Variants in CDC123 observed in about 807,000 individuals in gnomAD.
The protein encoded by CDC123 is cell division cycle 123, also known as translation initiation factor eIF2 assembly protein.
CDC123 carries 37 observed loss-of-function variants against 54.4 expected under a neutral mutation model. That is an observed-to-expected ratio of 0.68 (90% CI 0.52 to 0.89). The LOEUF (loss-of-function observed/expected upper bound fraction) is 0.89, where lower values mean the gene tolerates loss of function less well. Among genes scored for constraint, CDC123 ranks in the 40% least tolerant of loss-of-function variants. The pLI is 0.00. For missense variants in CDC123, 361 were observed against 412.1 expected, an observed-to-expected ratio of 0.88 and a Z score of 1.07; for synonymous variants, 144 against 136.8, an observed-to-expected ratio of 1.05 and a Z score of -0.37.
intron 1 of CDC123, among the ~76,000 whole-genome samples, chr10:12,198,177 A>G (rs1305949911): frequency 6.6e-6 from 1 of 152,246 alleles, no homozygotes; most frequent in Non-Finnish European, 1.5e-5. Context: ...AAGCAGCTTT[A>G]TATCTCTGGT....
At chr10:12,231,427 A>T (rs1835900815) in intron 7 of CDC123, among the ~76,000 whole-genome samples, 1 of 152,152 alleles carries the variant, frequency 6.6e-6, no homozygotes, top group South Asian at 2.1e-4. Flanking sequence ...GTGCGAGACC[A>T]GCCTGGCCAT....
At chr10:12,212,069 CAGAG>C (rs1255408285) in intron 4 of CDC123, among the ~76,000 whole-genome samples, 1 of 152,156 alleles carries the variant, frequency 6.6e-6, no homozygotes, top group African/African-American at 2.4e-5. Flanking sequence ...GCCTGGGTGA[CAGAG>C]AGAGACTCCG....
intron 4 of CDC123, 67 bp from the exon 5 acceptor site, chr10:12,215,673 T>C: frequency 8.3e-6 from 7 of 846,564 alleles, no homozygotes; most frequent in Non-Finnish European, 1.2e-5. Flanking sequence ...CCTTGAGATT[T>C]TGATCTTGTT....
At chr10:12,250,197 C>T in intron 12 of CDC123, 114 bp from the exon 13 acceptor site, 1 of 609,808 alleles carries the variant, frequency 1.6e-6, no homozygotes, top group East Asian at 3.0e-5. Flanking sequence ...GCATGGTTTT[C>T]CATGACAATT....
chr10:12,210,123 A>G (rs1480584873), intron 3 of CDC123, 99 bp downstream of exon 3: 2 of 1,473,150 alleles, frequency 1.4e-6, no homozygotes, highest in Non-Finnish European at 1.9e-6. Flanking sequence ...ATCTGATAAA[A>G]TGAGAAATTA....
At chr10:12,213,600 C>G (rs1212355729) in intron 4 of CDC123, among the ~76,000 whole-genome samples, 1 of 151,502 alleles carries the variant, frequency 6.6e-6, no homozygotes, top group African/African-American at 2.4e-5. Flanking sequence ...TACTAGGACA[C>G]TTGGCAAATT....
At chr10:12,196,826 C>T (rs1318622362) in intron 1 of CDC123, among the ~76,000 whole-genome samples, 1 of 152,170 alleles carries the variant, frequency 6.6e-6, no homozygotes, top group African/African-American at 2.4e-5. Context: ...ACAAAAATAA[C>T]TATGTTAGGC....
At chr10:12,211,436 T>C (rs916999617) in intron 4 of CDC123, among the ~76,000 whole-genome samples, 3 of 152,128 alleles carry the variant, frequency 2.0e-5, no homozygotes, top group Non-Finnish European at 4.4e-5. Context: ...AACTGACATA[T>C]TTCTTTAGAT....
At chr10:12,197,208 T>A (rs970695527) in intron 1 of CDC123, among the ~76,000 whole-genome samples, 2 of 152,196 alleles carry the variant, frequency 1.3e-5, no homozygotes, top group Non-Finnish European at 2.9e-5. Context: ...GAAGGCTTAT[T>A]TGTAATCAGC....
intron 10 of CDC123, among the ~76,000 whole-genome samples, chr10:12,242,021 C>G (rs1836065015): frequency 1.3e-5 from 2 of 152,198 alleles, no homozygotes; most frequent in Non-Finnish European, 2.9e-5. Flanking sequence ...CTCAATTACA[C>G]TTTTAAACGG....
chr10:12,214,232 A>ATTCT (rs1450642576), intron 4 of CDC123, among the ~76,000 whole-genome samples: 1 of 152,216 alleles, frequency 6.6e-6, no homozygotes, highest in Non-Finnish European at 1.5e-5. Flanking sequence ...TGAAAGTTGA[A>ATTCT]TTCTTTCCCG....
intron 8 of CDC123, 44 bp from the exon 9 acceptor site, chr10:12,237,100 A>C: frequency 6.8e-7 from 1 of 1,475,000 alleles, no homozygotes; most frequent in South Asian, 1.5e-5. Flanking sequence ...TGTTTTTGAA[A>C]AGAATATTGT....
intron 11 of CDC123, 135 bp from the exon 12 acceptor site, chr10:12,249,446 G>A (rs1836207801): frequency 2.2e-6 from 2 of 901,250 alleles, no homozygotes; most frequent in Admixed American, 5.6e-5. Flanking sequence ...TTTAACTTAA[G>A]CATCTTCCTT....
chr10:12,240,835 T>C (rs551122125), intron 10 of CDC123, among the ~76,000 whole-genome samples: 1 of 152,308 alleles, frequency 6.6e-6, no homozygotes, highest in African/African-American at 2.4e-5. Context: ...ATACATGTCA[T>C]GCCTAGCAGT....
intron 7 of CDC123, among the ~76,000 whole-genome samples, chr10:12,232,251 T>A (rs942044990): frequency 6.6e-6 from 1 of 152,170 alleles, no homozygotes; most frequent in African/African-American, 2.4e-5. Flanking sequence ...TCATAGTTTG[T>A]TGCAAAGAGG....
chr10:12,211,186 G>A (rs1554806199), intron 4 of CDC123, among the ~76,000 whole-genome samples: 1 of 152,172 alleles, frequency 6.6e-6, no homozygotes, highest in Non-Finnish European at 1.5e-5. Flanking sequence ...TTTTAAAGGA[G>A]TGAGTGAAGC....
At chr10:12,210,070 A>T (rs780942017) in intron 3 of CDC123, 46 bp downstream of exon 3, 1 of 1,587,242 alleles carries the variant, frequency 6.3e-7, no homozygotes, top group Non-Finnish European at 8.7e-7. Context: ...GTTGTAATTT[A>T]AATGATCTCT....
At chr10:12,212,978 A>T (rs932168600) in intron 4 of CDC123, among the ~76,000 whole-genome samples, 8 of 152,332 alleles carry the variant, frequency 5.3e-5, no homozygotes, top group Admixed American at 6.5e-5. Flanking sequence ...CCATAGTGAC[A>T]TACATAAGTG....
intron 2 of CDC123, among the ~76,000 whole-genome samples, chr10:12,207,899 A>G (rs1355271925): frequency 6.6e-6 from 1 of 152,200 alleles, no homozygotes; most frequent in Non-Finnish European, 1.5e-5. Flanking sequence ...AGTTGCTAGG[A>G]TGTGCAAGGT....
Sources: allele counts gnomAD v4.1 joint callset (sites outside exome capture counted in the v4.1 genomes callset), GRCh38; gene constraint gnomAD v4.1.1; transcripts MANE v1.5; gene names NCBI Gene and HGNC (gene_info 2026-07-23, HGNC 2026-07-21).